MAGI2: variants seen among roughly 807,000 people sequenced by gnomAD.
MAGI2 encodes membrane associated guanylate kinase, WW and PDZ domain containing 2.
MAGI2 carries 35 observed loss-of-function variants against 133.3 expected under a neutral mutation model. The observed-to-expected ratio is 0.26, with a 90% CI of 0.20 to 0.35. The LOEUF is 0.35. Among genes scored for constraint, MAGI2 ranks in the 10% least tolerant of loss-of-function variants. The pLI, the probability that MAGI2 is intolerant of heterozygous loss-of-function variation, is 1.00. For missense variants in MAGI2, 1,636 were observed against 1,863.4 expected (o/e 0.88, Z 2.25); for synonymous variants, 729 against 710.6 (o/e 1.03, Z -0.41).
intron 2 of MAGI2, among the ~76,000 whole-genome samples, chr7:78,887,441 T>C (rs1796356648): frequency 6.6e-6 from 1 of 152,236 alleles, no homozygotes; most frequent in Non-Finnish European, 1.5e-5. Flanking sequence ...AATCAGCGTT[T>C]TAACAAGTCC....
At chr7:78,832,705 A>T (rs569243144) in intron 2 of MAGI2, among the ~76,000 whole-genome samples, 1 of 152,342 alleles carries the variant, frequency 6.6e-6, no homozygotes, top group Admixed American at 6.5e-5. Context: ...GGAATAAAAG[A>T]TGAAATGCTC....
At chr7:78,869,931 A>G (rs905869009) in intron 2 of MAGI2, among the ~76,000 whole-genome samples, 1 of 152,108 alleles carries the variant, frequency 6.6e-6, no homozygotes, top group African/African-American at 2.4e-5. Context: ...TGGGCTCTCT[A>G]TTCTGCTTCA....
chr7:79,065,472 T>C (rs767559202), intron 1 of MAGI2, among the ~76,000 whole-genome samples: 1 of 152,160 alleles, frequency 6.6e-6, no homozygotes, highest in African/African-American at 2.4e-5. Context: ...CAAACAGACA[T>C]CAAGAACTTG....
At chr7:78,704,592 A>C (rs1252667174) in intron 2 of MAGI2, among the ~76,000 whole-genome samples, 1 of 152,062 alleles carries the variant, frequency 6.6e-6, no homozygotes, top group Non-Finnish European at 1.5e-5. Flanking sequence ...ATAGAGACAC[A>C]TGCATGCACA....
chr7:78,728,197 G>C (rs1585211395), intron 2 of MAGI2, among the ~76,000 whole-genome samples: 2 of 152,162 alleles, frequency 1.3e-5, no homozygotes, highest in African/African-American at 4.8e-5. Flanking sequence ...GGTAACAGTG[G>C]GTGATGATAA....
intron 1 of MAGI2, among the ~76,000 whole-genome samples, chr7:79,424,176 A>G (rs1379520368): frequency 2.0e-5 from 3 of 152,088 alleles, no homozygotes; most frequent in Admixed American, 2.0e-4. Flanking sequence ...TTAGACTTTC[A>G]TATGCTAAAC....
At chr7:78,782,583 T>G (rs1826484637) in intron 2 of MAGI2, among the ~76,000 whole-genome samples, 1 of 151,900 alleles carries the variant, frequency 6.6e-6, no homozygotes, top group Admixed American at 6.6e-5. Flanking sequence ...AGGAAGGGCC[T>G]AGGTGCAAAG....
Position 78,266,948 on chromosome 7 carries a change from G to T in MAGI2, c.1409-10367C>A, listed in dbSNP as rs537325394. Among the ~76,000 whole-genome samples the T allele has an allele frequency of 5.9e-5, 9 of 152,256 alleles. No individual in the cohort carries two copies. The South Asian group carries it at 1.7e-3, about 28-fold the overall frequency. On this transcript the variant is annotated intron_variant, in intron 9 of 21. Coordinates refer to ENST00000354212, the MANE Select transcript of MAGI2 (RefSeq NM_012301.4). ...TTTCTTGAATTGCTTTTGAAAAAAG[G>T]TACTGTTTGCTGCATTGTGAGCTGG... is the stretch of plus-strand genomic sequence containing the variant.
intron 6 of MAGI2, among the ~76,000 whole-genome samples, chr7:78,451,108 C>T (rs2151483177): frequency 6.6e-6 from 1 of 152,156 alleles, no homozygotes; most frequent in Middle Eastern, 3.4e-3. Flanking sequence ...AAAGTGAACT[C>T]ACTGCTTTGC....
At chr7:78,641,154 G>C (rs1810261324) in intron 2 of MAGI2, among the ~76,000 whole-genome samples, 1 of 152,174 alleles carries the variant, frequency 6.6e-6, no homozygotes, top group African/African-American at 2.4e-5. Flanking sequence ...TAGCCCTGCA[G>C]AACTGTGAGT....
intron 2 of MAGI2, among the ~76,000 whole-genome samples, chr7:78,882,115 A>AAAAAAAAAAAAAAAAAAAAAAAG (rs1795918606): frequency 4.3e-5 from 4 of 93,732 alleles, no homozygotes; most frequent in South Asian, 6.9e-4. Flanking sequence ...AAAAGAAAAG[A>AAAAAAAAAAAAAAAAAAAAAAAG]AAAACAAAAA....
chr7:78,189,936 A>G (rs896247352), intron 12 of MAGI2, among the ~76,000 whole-genome samples: 2 of 152,102 alleles, frequency 1.3e-5, no homozygotes, highest in Non-Finnish European at 2.9e-5. Flanking sequence ...AGCAACATTC[A>G]TTTTCTTTGG....
In MAGI2 at chr7:78,687,982, A is replaced by G. The variant is rs1297222000; in HGVS notation, c.419-60743T>C. Among the ~76,000 whole-genome samples the G allele has an allele frequency of 3.0e-4, 30 of 99,730 alleles. 1 individual carries two copies. The highest frequency in any genetic ancestry group is 4.4e-4 in the Admixed American group (5 of 11,374). 65.4% of individuals were successfully genotyped at this position (99,730 alleles called of 152,430 possible). On this transcript the variant is annotated intron_variant, in intron 2 of 21. Transcript: ENST00000354212. ...GAGTCCTTGCCTTAAAAAAAAAAAA[A>G]AAAAAAAAAAAAAAAAAAAGAAAAA...
At chr7:78,472,278 C>A (rs1791290001) in intron 6 of MAGI2, among the ~76,000 whole-genome samples, 2 of 152,040 alleles carry the variant, frequency 1.3e-5, no homozygotes, top group Non-Finnish European at 2.9e-5. Flanking sequence ...AAAAAATAGT[C>A]ATTTCTTTGC....
chr7:78,746,253 G>T, intron 2 of MAGI2, among the ~76,000 whole-genome samples: 1 of 152,186 alleles, frequency 6.6e-6, no homozygotes. Flanking sequence ...CTCTCAGGCA[G>T]AAACTGAAAT....
chr7:78,771,467 C>T (rs1051527170), intron 2 of MAGI2: 1 of 152,204 alleles, frequency 6.6e-6, no homozygotes. Context: ...GAAAATCTAG[C>T]TCCTAGAGAT....
intron 6 of MAGI2, among the ~76,000 whole-genome samples, chr7:78,447,617 T>C (rs1470086744): frequency 6.6e-6 from 1 of 152,038 alleles, no homozygotes; most frequent in Non-Finnish European, 1.5e-5. Flanking sequence ...TTTGGGCAAG[T>C]TGACTAGCTC....
intron 2 of MAGI2, among the ~76,000 whole-genome samples, chr7:78,751,702 A>G (rs1229351986): frequency 6.6e-6 from 1 of 152,234 alleles, no homozygotes; most frequent in South Asian, 2.1e-4. Flanking sequence ...TCCTGGAGAT[A>G]ACAACTATCA....
intron 1 of MAGI2, among the ~76,000 whole-genome samples, chr7:79,348,434 A>G (rs1025749946): frequency 6.6e-6 from 1 of 151,882 alleles, no homozygotes; most frequent in Non-Finnish European, 1.5e-5. Flanking sequence ...ATGCTAGTAC[A>G]TAACTATAGT....
Sources: allele counts gnomAD v4.1 joint callset (sites outside exome capture counted in the v4.1 genomes callset), GRCh38; gene constraint gnomAD v4.1.1; transcripts MANE v1.5; gene names NCBI Gene and HGNC (gene_info 2026-07-23, HGNC 2026-07-21).